Variants in ZFPM1 observed in about 807,000 individuals in gnomAD.
ZFPM1 encodes zinc finger protein ZFPM1.
In ZFPM1, 28 loss-of-function variants were observed where a neutral mutation model predicts 46.3. The observed-to-expected ratio is 0.60, with a 90% CI of 0.45 to 0.83. The LOEUF (loss-of-function observed/expected upper bound fraction) is 0.83. ZFPM1 is among the 40% of genes least tolerant of loss of function. The pLI, the probability that ZFPM1 is intolerant of heterozygous loss-of-function variation, is 0.00. For missense variants in ZFPM1, 1,878 were observed against 1,432.4 expected (o/e 1.31, Z -5.02); for synonymous variants, 957 against 675.9 (o/e 1.42, Z -6.45).
chr16:88,517,512 A>G (rs899251706), intron 4 of ZFPM1, among the ~76,000 whole-genome samples: 3 of 143,876 alleles, frequency 2.1e-5, no homozygotes, highest in Admixed American at 6.8e-5. Context: ...GGATGGATGG[A>G]TGGATGGTTG....
intron 4 of ZFPM1, among the ~76,000 whole-genome samples, chr16:88,526,159 G>A (rs551057650): frequency 2.0e-5 from 3 of 152,238 alleles, no homozygotes; most frequent in African/African-American, 7.2e-5. Flanking sequence ...GAGTCCACCA[G>A]GTGCTCCCCA....
intron 3 of ZFPM1, among the ~76,000 whole-genome samples, chr16:88,499,274 C>T (rs1253566585): frequency 6.6e-6 from 1 of 152,260 alleles, no homozygotes; most frequent in African/African-American, 2.4e-5. Context: ...GCAGAGCCGG[C>T]ACTCACTCAC....
chr16:88,453,593 C>A lies in ZFPM1; in HGVS notation c.-46C>A, dbSNP rs1039871215. The A allele has an allele frequency of 6.0e-6, 6 of 999,186 alleles. No homozygotes were observed. The highest frequency in any genetic ancestry group is 7.2e-6 in the Non-Finnish European group (6 of 836,666). The allele number at this position is 999,186 out of a possible 1,614,324, so 61.9% of individuals were successfully genotyped here. On this transcript the variant is annotated 5_prime_UTR_variant, in exon 1 of 10. Coordinates refer to ENST00000319555, the MANE Select transcript of ZFPM1 (RefSeq NM_153813.3). Reference sequence around the variant, plus strand: ...CGCCCCCGCCGCCCGCCGCCGCCCGCCCGGGGCTAGAGGCGGCCGCCGGGA... The same window carrying A: ...CGCCCCCGCCGCCCGCCGCCGCCCGACCGGGGCTAGAGGCGGCCGCCGGGA...
intron 1 of ZFPM1, among the ~76,000 whole-genome samples, chr16:88,453,884 G>A (rs1019492292): frequency 6.6e-6 from 1 of 151,936 alleles, no homozygotes; most frequent in Admixed American, 6.5e-5. Context: ...GGCACCGGGG[G>A]GTTCAGCCCA....
intron 3 of ZFPM1, among the ~76,000 whole-genome samples, chr16:88,496,070 C>G (rs1298635312): frequency 6.6e-6 from 1 of 152,180 alleles, no homozygotes; most frequent in African/African-American, 2.4e-5. Context: ...GGGCAGGACA[C>G]TCCATCCCAG....
chr16:88,454,874 C>T (rs953513781), intron 1 of ZFPM1, among the ~76,000 whole-genome samples: 9 of 152,188 alleles, frequency 5.9e-5, no homozygotes, highest in African/African-American at 2.2e-4. Flanking sequence ...CCTCCTTTGT[C>T]CACACGACCA....
intron 3 of ZFPM1, among the ~76,000 whole-genome samples, chr16:88,506,974 C>T (rs544590135): frequency 5.3e-4 from 80 of 152,348 alleles, no homozygotes; most frequent in African/African-American, 1.8e-3. Context: ...GTGCCACAGC[C>T]GGGGCCACTG....
chr16:88,497,752 T>A lies in ZFPM1; in HGVS notation c.268+8599T>A, dbSNP rs1910015245. Among the ~76,000 whole-genome samples, 1 of 151,114 alleles carries A rather than the reference T, an allele frequency of 6.6e-6. No individual in the cohort carries two copies. Among genetic ancestry groups the A allele is most frequent in the Non-Finnish European group, 1.5e-5 (1 of 67,744 alleles). ...TTTCCTGCCTGAGGCCCACGAAGGG[T>A]CCCCCGCCCCAGGGTCCCGACAGGG... is the stretch of plus-strand genomic sequence containing the variant. On this transcript the variant is annotated intron_variant, in intron 3 of 9. Coordinates refer to ENST00000319555, the MANE Select transcript of ZFPM1 (RefSeq NM_153813.3). This position sits in a 1 kb window ranked among gnomAD's most constrained non-coding sequence, Gnocchi z 5.4.
intron 1 of ZFPM1, among the ~76,000 whole-genome samples, chr16:88,477,862 T>C (rs1446210263): frequency 6.6e-6 from 1 of 152,216 alleles, no homozygotes; most frequent in East Asian, 1.9e-4. Flanking sequence ...GGACATTCAG[T>C]TCAGCAGCAG....
chr16:88,484,494 C>T (rs1909108563), intron 1 of ZFPM1, among the ~76,000 whole-genome samples: 1 of 152,208 alleles, frequency 6.6e-6, no homozygotes, highest in Non-Finnish European at 1.5e-5. Flanking sequence ...ATTCATTATT[C>T]TGCTGTGACC....
rs991635625 is a variant in ZFPM1, at chr16:88,534,056, G to A, written c.2098G>A (p.Val700Met). 4 of 1,316,376 alleles carry A rather than the reference G, an allele frequency of 3.0e-6. No homozygotes were observed. Among genetic ancestry groups the A allele is most frequent in the Admixed American group, 2.5e-5 (1 of 40,358 alleles). 81.5% of individuals were successfully genotyped at this position (1,316,376 alleles called of 1,614,324 possible). Reference protein sequence around the residue: ...IRFSRHETYTVHKRYYCASRH... With the variant: ...IRFSRHETYTMHKRYYCASRH... ...CTTCAGCCGCCACGAGACCTACACCGTGCACAAGCGGTACTACTGCGCCTC... is the reference window on the plus strand; with the variant it reads ...CTTCAGCCGCCACGAGACCTACACCATGCACAAGCGGTACTACTGCGCCTC... The change falls in exon 10 of 10, where the codon GTG becomes ATG. Residue 700 changes from valine to methionine, a missense_variant. Val to Met is a conservative substitution (Grantham distance 21). Coordinates refer to ENST00000319555, the MANE Select transcript of ZFPM1 (RefSeq NM_153813.3).
chr16:88,472,971 C>T (rs1020994348), intron 1 of ZFPM1, among the ~76,000 whole-genome samples: 2 of 152,242 alleles, frequency 1.3e-5, no homozygotes, highest in Admixed American at 6.5e-5. Flanking sequence ...GCTTCCAGGA[C>T]GCCGCAGCCC....
chr16:88,509,185 T>G (rs912350212), intron 3 of ZFPM1, among the ~76,000 whole-genome samples: 2 of 152,228 alleles, frequency 1.3e-5, no homozygotes, highest in Non-Finnish European at 2.9e-5. Flanking sequence ...CCCGTCAGCC[T>G]GGGGTTTTTC....
chr16:88,468,708 G>A (rs1320585387), intron 1 of ZFPM1, among the ~76,000 whole-genome samples: 2 of 151,846 alleles, frequency 1.3e-5, no homozygotes, highest in Non-Finnish European at 2.9e-5. Context: ...CACCCCCATG[G>A]CCAGGGCACC....
chr16:88,466,611 G>A (rs779587949), intron 1 of ZFPM1, among the ~76,000 whole-genome samples: 1 of 152,220 alleles, frequency 6.6e-6, no homozygotes, highest in South Asian at 2.1e-4. Context: ...GGCGGAGGCT[G>A]GCCTGCCTCT....
At chr16:88,493,582 G>A (rs1399452137) in intron 3 of ZFPM1, among the ~76,000 whole-genome samples, 1 of 148,658 alleles carries the variant, frequency 6.7e-6, no homozygotes, top group Non-Finnish European at 1.5e-5. Flanking sequence ...CCGGGGTGTG[G>A]TGAGCTGTCC....
intron 3 of ZFPM1, among the ~76,000 whole-genome samples, chr16:88,510,465 T>G (rs1389257554): frequency 1.3e-5 from 2 of 152,256 alleles, no homozygotes. Context: ...CATATAAATA[T>G]GCAATGGCTG....
chr16:88,519,577 TGGGA>T (rs1911657210), intron 4 of ZFPM1, among the ~76,000 whole-genome samples: 1 of 140,112 alleles, frequency 7.1e-6, no homozygotes, highest in African/African-American at 2.7e-5. Context: ...GATGGATGAA[TGGGA>T]GGGTGGGTGG....
At chr16:88,516,506 C>G in intron 4 of ZFPM1, 1 of 398,652 alleles carries the variant, frequency 2.5e-6, no homozygotes, top group Non-Finnish European at 4.4e-6. Context: ...CTCTTCCCTC[C>G]TCTGCTTTAT....
Sources: allele counts gnomAD v4.1 joint callset (sites outside exome capture counted in the v4.1 genomes callset), GRCh38; gene constraint gnomAD v4.1.1; non-coding constraint Gnocchi (gnomAD v3.1); transcripts MANE v1.5; gene names NCBI Gene and HGNC (gene_info 2026-07-23, HGNC 2026-07-21).